SMIM35: variants seen among roughly 807,000 people sequenced by gnomAD.
SMIM35 encodes the protein TMPRSS4 antisense RNA 1 (non-protein coding).
chr11:118,060,368 T>G (rs898790505), intron 1 of SMIM35, among the ~76,000 whole-genome samples: 2 of 152,242 alleles, frequency 1.3e-5, no homozygotes, highest in Non-Finnish European at 2.9e-5. Context: ...ACACACCTCT[T>G]GCAATTATAA....
At chr11:118,031,464 G>A (rs1261885366) in intron 1 of SMIM35, among the ~76,000 whole-genome samples, 2 of 152,152 alleles carry the variant, frequency 1.3e-5, no homozygotes. Flanking sequence ...TACAATAGGA[G>A]CATGTCAAAT....
intron 1 of SMIM35, among the ~76,000 whole-genome samples, chr11:118,021,510 T>C (rs1180920006): frequency 6.6e-6 from 1 of 152,178 alleles, no homozygotes; most frequent in Non-Finnish European, 1.5e-5. Flanking sequence ...TATCATTTGC[T>C]ATACATCTTT....
At chr11:118,085,623 G>T (rs10892210) in intron 1 of SMIM35, among the ~76,000 whole-genome samples, 53,608 of 152,038 alleles carry the variant, frequency 0.35, 9,952 homozygotes, top group South Asian at 0.52. Flanking sequence ...TGGATGGCAG[G>T]TCCTCAGTTC....
chr11:118,008,772 A>G (rs1427039592), intron 4 of SMIM35, among the ~76,000 whole-genome samples: 1 of 152,236 alleles, frequency 6.6e-6, no homozygotes, highest in Non-Finnish European at 1.5e-5. Context: ...CTATGGCCAG[A>G]GCCATGCAAA....
intron 1 of SMIM35, among the ~76,000 whole-genome samples, chr11:118,044,422 TA>T (rs902030370): frequency 2.0e-5 from 3 of 151,886 alleles, no homozygotes; most frequent in East Asian, 3.9e-4. Context: ...TGAACTGACC[TA>T]AAGCCAGGAG....
At chr11:118,085,681 C>G (rs1311240934) in intron 1 of SMIM35, among the ~76,000 whole-genome samples, 1 of 152,200 alleles carries the variant, frequency 6.6e-6, no homozygotes, top group Admixed American at 6.5e-5. Flanking sequence ...TAAAATCCAT[C>G]AGCCCTTCCC....
chr11:118,057,928 AAC>A (rs1944340058), intron 1 of SMIM35, among the ~76,000 whole-genome samples: 1 of 152,186 alleles, frequency 6.6e-6, no homozygotes, highest in Non-Finnish European at 1.5e-5. Flanking sequence ...TGTGGAATGA[AAC>A]ACAAACAGAC....
At chr11:118,067,713 G>GACAGA in intron 1 of SMIM35, among the ~76,000 whole-genome samples, 2 of 150,908 alleles carry the variant, frequency 1.3e-5, no homozygotes, top group Non-Finnish European at 3.0e-5. Flanking sequence ...TGCGCCTATA[G>GACAGA]TTCAACTTCT....
intron 4 of SMIM35, among the ~76,000 whole-genome samples, chr11:118,008,787 C>T (rs866935172): frequency 3.3e-5 from 5 of 152,160 alleles, no homozygotes; most frequent in Admixed American, 1.3e-4. Context: ...TGCAAAGTAC[C>T]GTGGAGAACT....
chr11:118,077,054 C>G (rs1035744136), intron 1 of SMIM35: 8 of 478,764 alleles, frequency 1.7e-5, no homozygotes, highest in African/African-American at 1.6e-4. Context: ...CTGTTTTAAT[C>G]AAGCTGCCCA....
chr11:118,050,515 T>A lies in SMIM35; in HGVS notation c.8-34706A>T, dbSNP rs117544197. 4.1e-3 allele frequency among the ~76,000 whole-genome samples: 617 copies of A among 152,294 alleles called. 15 individuals carry two copies. In the East Asian group the frequency reaches 0.078, roughly 19 times the overall value. Reference sequence around the variant, plus strand: ...GACCCAAGGCAGCTTTGGTTCTCCGTTTATCCCCACCAGACCTTGGGCAAG... The same window carrying A: ...GACCCAAGGCAGCTTTGGTTCTCCGATTATCCCCACCAGACCTTGGGCAAG... On this transcript the variant is annotated intron_variant, in intron 1 of 4. Coordinates refer to ENST00000689828, the MANE Select transcript of SMIM35 (RefSeq NM_001394165.1).
At chr11:118,009,785 G>A (rs924807375) in intron 4 of SMIM35, among the ~76,000 whole-genome samples, 5 of 151,296 alleles carry the variant, frequency 3.3e-5, no homozygotes, top group Non-Finnish European at 5.9e-5. Context: ...AGAACCAGGA[G>A]AAGCCTTGGA....
chr11:118,085,539 A>AAGTG (rs1945481861), intron 1 of SMIM35, among the ~76,000 whole-genome samples: 1 of 152,202 alleles, frequency 6.6e-6, no homozygotes, highest in Non-Finnish European at 1.5e-5. Flanking sequence ...GGACAAGCAA[A>AAGTG]AGTGAGTACG....
intron 1 of SMIM35, among the ~76,000 whole-genome samples, chr11:118,027,015 A>ATTTTTTTTTTTT (rs2058279480): frequency 2.6e-5 from 2 of 77,148 alleles, no homozygotes; most frequent in African/African-American, 8.5e-5. Flanking sequence ...CACCACCACC[A>ATTTTTTTTTTTT]CTTTTTTTTT....
At chr11:118,018,072 G>A (rs1441170247) in intron 1 of SMIM35, among the ~76,000 whole-genome samples, 1 of 152,174 alleles carries the variant, frequency 6.6e-6, no homozygotes, top group Admixed American at 6.5e-5. Context: ...GGTATCTAGA[G>A]TGAAAATGTC....
At chr11:118,061,634 G>A (rs978998713) in intron 1 of SMIM35, among the ~76,000 whole-genome samples, 15 of 152,286 alleles carry the variant, frequency 9.8e-5, no homozygotes, top group African/African-American at 3.6e-4. Context: ...GGCCTCCACA[G>A]AGGCAACCTC....
intron 1 of SMIM35, among the ~76,000 whole-genome samples, chr11:118,071,307 A>G (rs1401941438): frequency 1.3e-5 from 2 of 152,292 alleles, no homozygotes; most frequent in East Asian, 3.9e-4. Flanking sequence ...GGGATTTTCA[A>G]TTGCCTCGAT....
intron 1 of SMIM35, among the ~76,000 whole-genome samples, chr11:118,067,828 A>G (rs1239036152): frequency 7.2e-6 from 1 of 138,786 alleles, no homozygotes; most frequent in East Asian, 2.2e-4. Context: ...GTGAAACTCC[A>G]TCTCAAAAAA....
chr11:118,016,649 G>A (rs1330534360), intron 1 of SMIM35, among the ~76,000 whole-genome samples: 1 of 152,196 alleles, frequency 6.6e-6, no homozygotes, highest in African/African-American at 2.4e-5. Flanking sequence ...GCTAGCATCT[G>A]AAGCCTAGAT....
Sources: gnomAD v4.1 joint callset for allele counts (sites outside exome capture counted in the v4.1 genomes callset) on GRCh38, gnomAD v4.1.1 for gene constraint, MANE v1.5 for transcripts, NCBI Gene and HGNC (gene_info 2026-07-23, HGNC 2026-07-21) for gene names.